The following FBN1 variants were observed in gnomAD, a reference collection of about 807,000 sequenced individuals.
FBN1 encodes the protein fibrillin 1.
A neutral mutation model predicts 365.1 loss-of-function variants in FBN1; 29 were observed. That is an observed-to-expected ratio of 0.08 (90% CI 0.06 to 0.11). The LOEUF (loss-of-function observed/expected upper bound fraction) is 0.11. Ranked by LOEUF, FBN1 falls within the 10% of genes least tolerant of loss-of-function variation. FBN1 has a pLI of 1.00. For missense variants in FBN1, 2,476 were observed against 3,703.2 expected (o/e 0.67, Z 8.60); for synonymous variants, 1,210 against 1,270.5 (o/e 0.95, Z 1.01).
At chr15:48,539,621 C>T (rs917576203) in intron 6 of FBN1, among the ~76,000 whole-genome samples, 2 of 152,032 alleles carry the variant, frequency 1.3e-5, no homozygotes, top group East Asian at 1.9e-4. Flanking sequence ...ATATTAAATA[C>T]TAGTACAGGT....
chr15:48,523,680 G>A lies in FBN1; in HGVS notation c.988+2450C>T, dbSNP rs1451701329. ...ACAGCAGCCTGAAGTTTTTCACTTC[G>A]TTAGGCAGCAGTGCCACACCAAGGG... On this transcript the variant is annotated intron_variant, in intron 9 of 65. Coordinates refer to ENST00000316623, the MANE Select transcript of FBN1 (RefSeq NM_000138.5). Among the ~76,000 whole-genome samples the A allele has an allele frequency of 2.8e-5, 4 of 141,596 alleles. No homozygotes were observed. The East Asian group carries it at 8.6e-4, about 31-fold the overall frequency. 92.9% of individuals were successfully genotyped at this position (141,596 alleles called of 152,430 possible).
chr15:48,537,771 G>T lies in FBN1; in HGVS notation c.576C>A (p.Asn192Lys). 1 of 1,614,198 alleles carries T rather than the reference G, an allele frequency of 6.2e-7. No individual in the cohort carries two copies. The highest frequency in any genetic ancestry group is 8.5e-7 in the Non-Finnish European group (1 of 1,180,034). The part of the protein sequence containing the change: ...RTGPCFTVIS[N>K]QMCQGQLSGI... ...CGCTGAGTTGTCCCTGGCACATCTG[G>T]TTGCTGATCACAGTAAAACATGGGC... The change falls in exon 7 of 66, where the codon AAC (asparagine) becomes AAA (lysine). Residue 192 changes from asparagine (N) to lysine (K), a missense_variant. Asn to Lys is a moderately conservative substitution (Grantham distance 94). Around this residue, in one of 5 missense-constraint regions of FBN1, gnomAD observed 421 missense variants for 520.1 expected, o/e 0.81. Coordinates refer to ENST00000316623, the MANE Select transcript of FBN1 (RefSeq NM_000138.5).
At chr15:48,431,931 A>G (rs1236286143) in intron 55 of FBN1, among the ~76,000 whole-genome samples, 1 of 152,222 alleles carries the variant, frequency 6.6e-6, no homozygotes, top group African/African-American at 2.4e-5. Context: ...CTGGGATTAC[A>G]GGCATAAGCC....
At chr15:48,465,268 A>G (rs1241556950) in intron 40 of FBN1, among the ~76,000 whole-genome samples, 2 of 152,228 alleles carry the variant, frequency 1.3e-5, no homozygotes, top group Non-Finnish European at 2.9e-5. Context: ...ATTCATGTAA[A>G]AAATGGCTTT....
At chr15:48,488,560 C>A (rs567301280) in intron 25 of FBN1, 67 bp from the exon 26 acceptor site, 2 of 1,570,982 alleles carry the variant, frequency 1.3e-6, no homozygotes, top group African/African-American at 2.7e-5. Flanking sequence ...TCTCAATGCC[C>A]ACCATTTTAA....
At position 48,437,396 on chromosome 15, in the gene FBN1, G is replaced by C; in HGVS notation, c.6314-9C>G. 6.2e-7 allele frequency: 1 copy of C among 1,607,888 alleles called. No individual in the cohort carries two copies. Among genetic ancestry groups the C allele is most frequent in the Non-Finnish European group, 8.5e-7 (1 of 1,174,664 alleles). On this transcript the variant is annotated splice_polypyrimidine_tract_variant and intron_variant, in intron 51 of 65. Transcript: ENST00000316623. The stretch of plus-strand genomic sequence containing the variant: ...TATCTGGCGGAAGGCCTCTGTGGTG[G>C]AGACACTCATTAATAGATAGAACAA...
At chr15:48,458,788 T>A (rs1196134033) in intron 43 of FBN1, among the ~76,000 whole-genome samples, 1 of 152,240 alleles carries the variant, frequency 6.6e-6, no homozygotes, top group Non-Finnish European at 1.5e-5. Flanking sequence ...TAACCCTATA[T>A]GAATGGACTC....
chr15:48,469,920 CCT>C (rs553836198), intron 36 of FBN1, among the ~76,000 whole-genome samples: 392 of 152,026 alleles, frequency 2.6e-3, no homozygotes, highest in Admixed American at 5.8e-3. Flanking sequence ...CTGGAGAGCC[CCT>C]GAGTCATGGT....
In FBN1 at chr15:48,503,838, T is replaced by C. The variant is rs2043685015; in HGVS notation, c.2062A>G (p.Thr688Ala). 6.2e-7 allele frequency: 1 copy of C among 1,614,184 alleles called. No homozygotes were observed. The highest frequency in any genetic ancestry group is 8.5e-7 in the Non-Finnish European group (1 of 1,180,034). ...CAAGGTTCCCCAAATGCATACTCAGTGCTGGCGCAACAGCATTCAGATTTA... is the reference window on the plus strand; with the variant it reads ...CAAGGTTCCCCAAATGCATACTCAGCGCTGGCGCAACAGCATTCAGATTTA... ...VTKSECCCAS[T>A]EYAFGEPCQP... Residue 688 changes from threonine (T) to alanine (A), a missense_variant, in exon 17 of 66, where the codon ACT becomes GCT. Physicochemically the swap from Thr to Ala is moderately conservative, Grantham distance 58 (BLOSUM62 0). Around this residue, in one of 5 missense-constraint regions of FBN1, gnomAD observed 1,780 missense variants for 2,840.8 expected, o/e 0.63. Transcript: ENST00000316623.
chr15:48,515,307 C>T (rs893392278), intron 12 of FBN1, 80 bp downstream of exon 12: 2 of 1,538,700 alleles, frequency 1.3e-6, no homozygotes, highest in Admixed American at 1.7e-5. Context: ...TAAGTTGTTA[C>T]AGCAGCAATA....
intron 65 of FBN1, among the ~76,000 whole-genome samples, chr15:48,411,947 T>C (rs1242093193): frequency 6.6e-6 from 1 of 152,240 alleles, no homozygotes; most frequent in Non-Finnish European, 1.5e-5. Flanking sequence ...ATGAGCCTAC[T>C]TCCTGACTGT....
chr15:48,455,436 G>A (rs1363684150), intron 44 of FBN1, among the ~76,000 whole-genome samples: 1 of 152,214 alleles, frequency 6.6e-6, no homozygotes, highest in Non-Finnish European at 1.5e-5. Context: ...TCTCTGAGGG[G>A]AAGGGTGGGG....
intron 38 of FBN1, among the ~76,000 whole-genome samples, 175 bp from the exon 39 acceptor site, chr15:48,466,033 G>A (rs2043319022): frequency 6.6e-6 from 1 of 152,140 alleles, no homozygotes; most frequent in Non-Finnish European, 1.5e-5. Context: ...CCATTTTCCA[G>A]TGGTTTTTAT....
chr15:48,545,270 C>A (rs1419968165), intron 6 of FBN1, among the ~76,000 whole-genome samples: 1 of 152,010 alleles, frequency 6.6e-6, no homozygotes, highest in Non-Finnish European at 1.5e-5. Context: ...CATAAAAGTA[C>A]CTTGTAATAT....
At chr15:48,581,452 G>A (rs192829228) in intron 6 of FBN1, among the ~76,000 whole-genome samples, 185 of 152,230 alleles carry the variant, frequency 1.2e-3, no homozygotes, top group African/African-American at 4.3e-3. Flanking sequence ...TCACACATCC[G>A]GATTATCCAT....
At chr15:48,453,619 C>G (rs1483389630) in intron 44 of FBN1, among the ~76,000 whole-genome samples, 1 of 152,068 alleles carries the variant, frequency 6.6e-6, no homozygotes, top group African/African-American at 2.4e-5. Context: ...ATGTACAACA[C>G]CAAGAGCGAG....
At chr15:48,579,648 T>C (rs867527772) in intron 6 of FBN1, among the ~76,000 whole-genome samples, 2 of 152,316 alleles carry the variant, frequency 1.3e-5, no homozygotes, top group Middle Eastern at 3.4e-3. Flanking sequence ...CTATAAATCT[T>C]ATCTCAGTCC....
At chr15:48,424,032 A>C (rs1480712300) in intron 60 of FBN1, among the ~76,000 whole-genome samples, 1 of 152,244 alleles carries the variant, frequency 6.6e-6, no homozygotes. Flanking sequence ...TAATATATAC[A>C]ATGAGAGATA....
intron 2 of FBN1, among the ~76,000 whole-genome samples, chr15:48,617,507 T>C (rs1331931142): frequency 6.6e-6 from 1 of 152,202 alleles, no homozygotes; most frequent in African/African-American, 2.4e-5. Flanking sequence ...TCCAATAGTT[T>C]ATAGGGGAAA....
Sources: allele counts gnomAD v4.1 joint callset (sites outside exome capture counted in the v4.1 genomes callset), GRCh38; gene constraint gnomAD v4.1.1; regional missense constraint gnomAD v4.1.1; transcripts MANE v1.5; gene names NCBI Gene and HGNC (gene_info 2026-07-23, HGNC 2026-07-21).